Variants in CNTN2 observed in about 807,000 individuals in gnomAD.
CNTN2 encodes the protein contactin-2.
In CNTN2, 53 loss-of-function variants were observed where a neutral mutation model predicts 117.5. That is an observed-to-expected ratio of 0.45 (90% CI 0.36 to 0.57). The LOEUF is 0.57. Among genes scored for constraint, CNTN2 ranks in the 20% least tolerant of loss-of-function variants. The pLI is 0.00. For missense variants in CNTN2, 1,106 were observed against 1,404.3 expected (o/e 0.79, Z 3.39); for synonymous variants, 530 against 561.7 (o/e 0.94, Z 0.80).
At chr1:205,067,047 T>C (rs1415026664) in intron 15 of CNTN2, 54 bp from the exon 16 acceptor site, 4 of 1,561,288 alleles carry the variant, frequency 2.6e-6, no homozygotes, top group Non-Finnish European at 3.5e-6. Context: ...GCCTGCCCTC[T>C]GCACCCAGAT....
In CNTN2 at chr1:205,061,171, G is replaced by A; in HGVS notation, c.798-74G>A. On this transcript the variant is annotated intron_variant, in intron 7 of 22. Coordinates refer to ENST00000331830, the MANE Select transcript of CNTN2 (RefSeq NM_005076.5). The surrounding 1 kb of genome is among the most constrained non-coding windows in gnomAD (Gnocchi z 4.8). Reference sequence around the variant, plus strand: ...ATCTCAGGAGGGCCTGAGAGTCTGGGTATGAGGAGCTGCGGGCACTGGAGG... The same window carrying A: ...ATCTCAGGAGGGCCTGAGAGTCTGGATATGAGGAGCTGCGGGCACTGGAGG... The A allele has an allele frequency of 1.3e-6, 2 of 1,490,890 alleles. No homozygotes were observed. Among genetic ancestry groups the A allele is most frequent in the Non-Finnish European group, 9.1e-7 (1 of 1,099,256 alleles). 92.4% of individuals were successfully genotyped at this position (1,490,890 alleles called of 1,614,324 possible).
rs1558544376 is a variant in CNTN2 at position 205,061,250 on chromosome 1, T to C, written c.803T>C (p.Val268Ala). The C allele has an allele frequency of 6.2e-7, 1 of 1,607,476 alleles. No homozygotes were observed. The highest frequency in any genetic ancestry group is 1.1e-5 in the South Asian group (1 of 90,780). The change falls in exon 8 of 23, where the codon GTC (valine) becomes GCC (alanine). Residue 268 changes from valine to alanine, a missense_variant. Transcript: ENST00000331830. This position sits in a 1 kb window ranked among gnomAD's most constrained non-coding sequence, Gnocchi z 4.8. ...GGCTTTGTCTCTCCTGCCAGCCCTGTCCCCCGGATCAAGTGGCGCAAAGTG... is the reference window on the plus strand; with the variant it reads ...GGCTTTGTCTCTCCTGCCAGCCCTGCCCCCCGGATCAAGTGGCGCAAAGTG... ...TLECFAFGNP[V>A]PRIKWRKVDG...
At chr1:205,072,371 G>C (rs960747538) in intron 20 of CNTN2, 112 bp from the exon 21 acceptor site, 119 of 965,166 alleles carry the variant, frequency 1.2e-4, no homozygotes, top group Non-Finnish European at 1.7e-4. Context: ...GACAGAATGT[G>C]CTGGGTGTAA....
chr1:205,074,644 A>G lies in CNTN2; in HGVS notation c.*879A>G. The G allele has an allele frequency of 2.5e-6, 1 of 398,936 alleles. No individual in the cohort carries two copies. The highest frequency in any genetic ancestry group is 4.4e-6 in the Non-Finnish European group (1 of 226,092). 24.7% of individuals were successfully genotyped at this position (398,936 alleles called of 1,614,324 possible). On this transcript the variant is annotated 3_prime_UTR_variant, in exon 23 of 23. Coordinates refer to ENST00000331830, the MANE Select transcript of CNTN2 (RefSeq NM_005076.5). Reference sequence around the variant, plus strand: ...AAGACCCATTCTGCACAGTCCCTCCAGGGTTTGGGCAGGAGATGGCCAATC... The same window carrying G: ...AAGACCCATTCTGCACAGTCCCTCCGGGGTTTGGGCAGGAGATGGCCAATC...
rs549359895 is a variant in CNTN2, at chr1:205,065,495, C to T, written c.1695+233C>T. On this transcript the variant is annotated intron_variant, in intron 13 of 22. Coordinates refer to ENST00000331830, the MANE Select transcript of CNTN2 (RefSeq NM_005076.5). The surrounding 1 kb of genome is among the most constrained non-coding windows in gnomAD (Gnocchi z 4.1). ...GGACAAACCTGGAGTTGTGGGCAGC[C>T]ACCAAGACACTCCCACTACTGTTCT... 1.1e-4 allele frequency among the ~76,000 whole-genome samples: 17 copies of T among 152,234 alleles called. No homozygotes were observed. Among genetic ancestry groups the T allele is most frequent in the Non-Finnish European group, 1.5e-4 (10 of 68,010 alleles).
In CNTN2 at chr1:205,059,642, G is replaced by A; in HGVS notation, c.757G>A (p.Val253Met). Residue 253 changes from valine to methionine, a missense_variant, in exon 7 of 23, where the codon GTG becomes ATG. Coordinates refer to ENST00000331830, the MANE Select transcript of CNTN2 (RefSeq NM_005076.5). This position sits in a 1 kb window ranked among gnomAD's most constrained non-coding sequence, Gnocchi z 5.6. ...GTTCCCAGCAGAGACCTATGCACTG[G>A]TGGGGCAGCAGGTCACCCTGGAGTG... ...ARFPAETYAL[V>M]GQQVTLECFA... The A allele has an allele frequency of 6.2e-7, 1 of 1,614,146 alleles. No homozygotes were observed. Among genetic ancestry groups the A allele is most frequent in the Non-Finnish European group, 8.5e-7 (1 of 1,180,018 alleles).
At chr1:205,063,711 G>A (rs1654110304) in intron 10 of CNTN2, 2 of 152,130 alleles carry the variant, frequency 1.3e-5, no homozygotes, top group East Asian at 1.9e-4. Context: ...AAACCCAGTA[G>A]AGTGATGGGC....
At chr1:205,066,971 T>A (rs766491193) in intron 15 of CNTN2, 130 bp from the exon 16 acceptor site, 34 of 1,155,552 alleles carry the variant, frequency 2.9e-5, no homozygotes, top group Non-Finnish European at 4.1e-5. Context: ...AAAAAGGTAC[T>A]GAGTGCTTAG....
Position 205,073,809 on chromosome 1 carries a change from G to A in CNTN2, c.*44G>A, listed in dbSNP as rs746706796. 24 of 1,529,786 alleles carry A rather than the reference G, an allele frequency of 1.6e-5. No homozygotes were observed. Among genetic ancestry groups the A allele is most frequent in the Non-Finnish European group, 1.6e-5 (18 of 1,112,572 alleles). The allele number at this position is 1,529,786 out of a possible 1,614,324, so 94.8% of individuals were successfully genotyped here. Reference sequence around the variant, plus strand: ...TGCGCCGCAGCTGGACGCCACCTCCGACGGACACAGCCAGCCCCTTCCTGC... The same window carrying A: ...TGCGCCGCAGCTGGACGCCACCTCCAACGGACACAGCCAGCCCCTTCCTGC... On this transcript the variant is annotated 3_prime_UTR_variant, in exon 23 of 23. Coordinates refer to ENST00000331830, the MANE Select transcript of CNTN2 (RefSeq NM_005076.5). This position sits in a 1 kb window ranked among gnomAD's most constrained non-coding sequence, Gnocchi z 6.3.
intron 19 of CNTN2, among the ~76,000 whole-genome samples, chr1:205,071,386 G>A (rs1654586875): frequency 6.6e-6 from 1 of 152,224 alleles, no homozygotes; most frequent in Non-Finnish European, 1.5e-5. Context: ...GGGCCTACTA[G>A]TGATAGCACA....
intron 16 of CNTN2, chr1:205,068,426 C>G (rs1654418466): frequency 2.6e-5 from 4 of 152,340 alleles, no homozygotes; most frequent in South Asian, 4.1e-4. Flanking sequence ...ACATTTTTAG[C>G]TGGTACCTCT....
rs775579054 is a variant in CNTN2 at position 205,072,064 on chromosome 1, G to C, written c.2662G>C (p.Val888Leu). 6.2e-7 allele frequency: 1 copy of C among 1,614,128 alleles called. No homozygotes were observed. The highest frequency in any genetic ancestry group is 8.5e-7 in the Non-Finnish European group (1 of 1,180,042). ...LHPNTKYHVTVRAYNRAGTGP... is the reference protein window; with the variant it reads ...LHPNTKYHVTLRAYNRAGTGP... ...TCCCAACACCAAGTACCATGTGACC[G>C]TGAGGGCCTACAACCGGGCTGGCAC... Residue 888 changes from valine to leucine, a missense_variant, in exon 20 of 23, where the codon GTG (valine) becomes CTG (leucine). By Grantham distance (32) the Val-to-Leu change is conservative (BLOSUM62 1). Coordinates refer to ENST00000331830, the MANE Select transcript of CNTN2 (RefSeq NM_005076.5).
rs994387508 is a variant in CNTN2, at chr1:205,072,226, C to T, written c.2731+93C>T. The stretch of plus-strand genomic sequence containing the variant: ...CTTCCCCAATGATAAGACAAATGCT[C>T]TAGCCCACCAGCTCTGGGCTGAACA... On this transcript the variant is annotated intron_variant, in intron 20 of 22. Coordinates refer to ENST00000331830, the MANE Select transcript of CNTN2 (RefSeq NM_005076.5). 6 of 1,290,232 alleles carry T rather than the reference C, an allele frequency of 4.7e-6. No individual in the cohort carries two copies. In the African/African-American group the frequency reaches 7.4e-5, roughly 16 times the overall value. 79.9% of individuals were successfully genotyped at this position (1,290,232 alleles called of 1,614,324 possible).
chr1:205,067,447 C>G, intron 16 of CNTN2, 197 bp downstream of exon 16: 2 of 505,018 alleles, frequency 4.0e-6, no homozygotes, highest in Non-Finnish European at 6.6e-6. Flanking sequence ...AGTCCAAACT[C>G]CTCATTTAAA....
At chr1:205,066,786 T>C (rs1654313947) in intron 15 of CNTN2, among the ~76,000 whole-genome samples, 187 bp downstream of exon 15, 1 of 151,866 alleles carries the variant, frequency 6.6e-6, no homozygotes, top group East Asian at 1.9e-4. Context: ...ACACAGAAAG[T>C]AGGAGAGTCG....
At chr1:205,067,310 T>C (rs1317200048) in intron 16 of CNTN2, 60 bp downstream of exon 16, 5 of 1,554,592 alleles carry the variant, frequency 3.2e-6, no homozygotes, top group East Asian at 2.3e-5. Context: ...GCACCACTTA[T>C]AGGGAATGCC....
chr1:205,067,318 G>T (rs1256258511), intron 16 of CNTN2, 68 bp downstream of exon 16: 21 of 1,534,752 alleles, frequency 1.4e-5, no homozygotes, highest in Non-Finnish European at 1.8e-5. Context: ...TATAGGGAAT[G>T]CCAAGCCAGC....
chr1:205,053,284 C>T, intron 2 of CNTN2, 29 bp downstream of exon 2: 1 of 1,586,154 alleles, frequency 6.3e-7, no homozygotes, highest in Non-Finnish European at 8.6e-7. Context: ...GCTTTGAAGC[C>T]TAGCAGGCAT....
At chr1:205,062,770 G>A (rs894960127) in intron 10 of CNTN2, 2 of 474,720 alleles carry the variant, frequency 4.2e-6, no homozygotes, top group Non-Finnish European at 7.0e-6. Flanking sequence ...AGAGGGCAGG[G>A]TCTCTGACTT....
Sources: gnomAD v4.1 joint callset for allele counts (sites outside exome capture counted in the v4.1 genomes callset) on GRCh38, gnomAD v4.1.1 for gene constraint, Gnocchi (gnomAD v3.1) non-coding constraint, MANE v1.5 for transcripts, NCBI Gene and HGNC (gene_info 2026-07-23, HGNC 2026-07-21) for gene names.